Variants in TMEM108 observed in about 807,000 individuals in gnomAD.
TMEM108 encodes cancer/testis antigen 124.
Under a neutral mutation model 35.1 loss-of-function variants are expected in TMEM108, and 12 were observed. The ratio of observed to expected loss-of-function variants is 0.34; its 90% CI spans 0.22 to 0.55. The LOEUF is 0.55. TMEM108 is among the 20% of genes least tolerant of loss of function. The pLI is 0.89. For synonymous variants in TMEM108, 287 were observed against 308.6 expected, an observed-to-expected ratio of 0.93 and a Z score of 0.73; for missense variants, 680 against 753.3, an observed-to-expected ratio of 0.90 and a Z score of 1.14.
intron 3 of TMEM108, among the ~76,000 whole-genome samples, chr3:133,275,674 CA>C (rs1178176488): frequency 6.6e-6 from 1 of 151,966 alleles, no homozygotes; most frequent in African/African-American, 2.4e-5. Flanking sequence ...ATTAATACCC[CA>C]GGGGGATCTG....
chr3:133,154,728 G>A (rs567027447), intron 2 of TMEM108, among the ~76,000 whole-genome samples: 2 of 152,160 alleles, frequency 1.3e-5, no homozygotes, highest in East Asian at 3.9e-4. Context: ...GGGGGACGGG[G>A]AAGGGATAGT....
At chr3:133,160,654 A>G (rs1207378482) in intron 2 of TMEM108, among the ~76,000 whole-genome samples, 2 of 152,066 alleles carry the variant, frequency 1.3e-5, no homozygotes, top group African/African-American at 4.8e-5. Context: ...AGATCTAATC[A>G]GTTGGCAATT....
chr3:133,260,037 A>G (rs1946602513), intron 3 of TMEM108, among the ~76,000 whole-genome samples: 1 of 152,218 alleles, frequency 6.6e-6, no homozygotes, highest in South Asian at 2.1e-4. Flanking sequence ...CTCCTGCCAG[A>G]TGTGGAAACA....
In TMEM108 at chr3:133,092,458, TATA is replaced by T. The variant is rs543077094; in HGVS notation, c.-47+46443_-47+46445del. ...GACAGTTTTAAGCATGTTAAAATATTATAATAACTCACTTTTAGACTTTTAGAA... is the reference window on the plus strand; with the variant it reads ...GACAGTTTTAAGCATGTTAAAATATTATAACTCACTTTTAGACTTTTAGAA... On this transcript the variant is annotated intron_variant, in intron 2 of 5. Coordinates refer to ENST00000321871, the MANE Select transcript of TMEM108 (RefSeq NM_023943.4). 7.9e-3 allele frequency among the ~76,000 whole-genome samples: 1,203 copies of T among 152,318 alleles called. 4 individuals are homozygous for T. Among genetic ancestry groups the T allele is most frequent in the Non-Finnish European group, 0.013 (877 of 68,028 alleles).
chr3:133,256,370 G>C (rs1326049568), intron 3 of TMEM108, among the ~76,000 whole-genome samples: 2 of 152,176 alleles, frequency 1.3e-5, no homozygotes, highest in African/African-American at 4.8e-5. Context: ...GAGAAACAAG[G>C]TCTTAAATAT....
At chr3:133,328,489 T>G (rs1481496560) in intron 3 of TMEM108, among the ~76,000 whole-genome samples, 1 of 152,230 alleles carries the variant, frequency 6.6e-6, no homozygotes, top group Non-Finnish European at 1.5e-5. Context: ...CCAAAGTACA[T>G]GAGCACTCAG....
chr3:133,302,077 T>C (rs1197602618), intron 3 of TMEM108, among the ~76,000 whole-genome samples: 1 of 152,216 alleles, frequency 6.6e-6, no homozygotes, highest in Non-Finnish European at 1.5e-5. Context: ...GGGGAGTCTA[T>C]AAATTCACAA....
chr3:133,244,851 G>C (rs1416171575), intron 3 of TMEM108, among the ~76,000 whole-genome samples: 4 of 152,168 alleles, frequency 2.6e-5, no homozygotes, highest in Non-Finnish European at 5.9e-5. Context: ...TGAGGAAGGT[G>C]GTCCAGATTT....
At chr3:133,326,873 A>G (rs985436868) in intron 3 of TMEM108, among the ~76,000 whole-genome samples, 7 of 152,220 alleles carry the variant, frequency 4.6e-5, no homozygotes, top group Non-Finnish European at 8.8e-5. Flanking sequence ...ATTTAATGAA[A>G]GAAGACATTC....
At chr3:133,331,656 C>T (rs778683041) in intron 3 of TMEM108, among the ~76,000 whole-genome samples, 10 of 152,204 alleles carry the variant, frequency 6.6e-5, no homozygotes, top group Non-Finnish European at 1.0e-4. Flanking sequence ...TATGTATCTA[C>T]TGGGACTCCC....
chr3:133,207,452 C>A (rs1289147538), intron 2 of TMEM108, among the ~76,000 whole-genome samples: 1 of 152,074 alleles, frequency 6.6e-6, no homozygotes, highest in Non-Finnish European at 1.5e-5. Context: ...CTCCCCTGGA[C>A]CTCTGATTTG....
intron 2 of TMEM108, among the ~76,000 whole-genome samples, chr3:133,183,231 G>T (rs1033120041): frequency 1.3e-5 from 2 of 152,166 alleles, no homozygotes; most frequent in African/African-American, 4.8e-5. Context: ...ACTTTGCAAT[G>T]ATAAGTAAAT....
At chr3:133,068,832 C>T (rs1036442698) in intron 2 of TMEM108, among the ~76,000 whole-genome samples, 1 of 152,036 alleles carries the variant, frequency 6.6e-6, no homozygotes, top group African/African-American at 2.4e-5. Context: ...GCCAAGTGAG[C>T]TGTACAAAGA....
rs761530931 is a variant in TMEM108 at position 133,380,874 on chromosome 3, A to C, written c.1163A>C (p.His388Pro). The C allele has an allele frequency of 1.2e-5, 20 of 1,613,924 alleles. No homozygotes were observed. The highest frequency in any genetic ancestry group is 1.6e-5 in the Non-Finnish European group (19 of 1,179,982). Reference sequence around the variant, plus strand: ...TCCACAACCCCACAAGCTCCAACCCATCCCTCCAGGGTCTCAGAAAGCACT... The same window carrying C: ...TCCACAACCCCACAAGCTCCAACCCCTCCCTCCAGGGTCTCAGAAAGCACT... ...GASTTPQAPT[H>P]PSRVSESTIS... is the part of the protein sequence containing the mutation. The change falls in exon 4 of 6, where the codon CAT becomes CCT. Residue 388 changes from histidine (H) to proline (P), a missense_variant. Physicochemically the swap from His to Pro is moderately conservative, Grantham distance 77. Coordinates refer to ENST00000321871, the MANE Select transcript of TMEM108 (RefSeq NM_023943.4). This position sits in a 1 kb window ranked among gnomAD's most constrained non-coding sequence, Gnocchi z 5.3.
chr3:133,132,488 A>C (rs1409653836), intron 2 of TMEM108, among the ~76,000 whole-genome samples: 1 of 152,216 alleles, frequency 6.6e-6, no homozygotes, highest in African/African-American at 2.4e-5. Flanking sequence ...AGCATGGTTT[A>C]CTGAACGACT....
intron 2 of TMEM108, among the ~76,000 whole-genome samples, chr3:133,112,832 C>T (rs748463991): frequency 9.2e-5 from 14 of 152,056 alleles, no homozygotes; most frequent in East Asian, 1.9e-4. Context: ...TATAAAGTGA[C>T]GTAAGTGTTC....
chr3:133,105,613 T>C (rs1413984693), intron 2 of TMEM108, among the ~76,000 whole-genome samples: 2 of 146,322 alleles, frequency 1.4e-5, no homozygotes, highest in African/African-American at 2.4e-5. Context: ...ACAGGAAACC[T>C]TGGGGGTATG....
intron 3 of TMEM108, among the ~76,000 whole-genome samples, chr3:133,285,772 G>A (rs900700303): frequency 8.5e-5 from 13 of 152,284 alleles, no homozygotes; most frequent in African/African-American, 3.1e-4. Context: ...ATCACTGCCT[G>A]CCTGCCTCCA....
intron 2 of TMEM108, among the ~76,000 whole-genome samples, chr3:133,168,901 G>T (rs115293967): frequency 6.6e-6 from 1 of 151,924 alleles, no homozygotes; most frequent in Non-Finnish European, 1.5e-5. Context: ...CTCTGGATGC[G>T]CCGCCTTTAT....
Sources: allele counts gnomAD v4.1 joint callset (sites outside exome capture counted in the v4.1 genomes callset), GRCh38; gene constraint gnomAD v4.1.1; non-coding constraint Gnocchi (gnomAD v3.1); transcripts MANE v1.5; gene names NCBI Gene and HGNC (gene_info 2026-07-23, HGNC 2026-07-21).